SUGCT: variants seen among roughly 807,000 people sequenced by gnomAD.
SUGCT encodes succinyl-CoA:glutarate-CoA transferase.
A neutral mutation model predicts 55.0 loss-of-function variants in SUGCT; 41 were observed. That is an observed-to-expected ratio of 0.74 (90% CI 0.58 to 0.97). The LOEUF is 0.97. Ranked by LOEUF, SUGCT falls within the 50% of genes least tolerant of loss-of-function variation. SUGCT has a pLI of 0.00. For synonymous variants in SUGCT, 187 were observed against 200.4 expected, an observed-to-expected ratio of 0.93 and a Z score of 0.56; for missense variants, 568 against 547.8, an observed-to-expected ratio of 1.04 and a Z score of -0.37.
intron 9 of SUGCT, among the ~76,000 whole-genome samples, chr7:40,378,137 G>A (rs1219152020): frequency 1.3e-5 from 2 of 151,446 alleles, no homozygotes; most frequent in Non-Finnish European, 2.9e-5. Flanking sequence ...AAAAAAGATG[G>A]TACATTTGGC....
At chr7:40,797,996 T>A (rs1790630444) in intron 13 of SUGCT, among the ~76,000 whole-genome samples, 1 of 152,206 alleles carries the variant, frequency 6.6e-6, no homozygotes, top group Non-Finnish European at 1.5e-5. Context: ...TGTTATTTCC[T>A]GTGCTTCAAA....
chr7:40,905,318 C>T, the SUGCT span, among the ~76,000 whole-genome samples: 1 of 152,118 alleles, frequency 6.6e-6, no homozygotes, highest in Non-Finnish European at 1.5e-5. Context: ...AAAACATTCT[C>T]TCTTTTGATT....
At chr7:40,681,339 T>C (rs1388753852) in intron 12 of SUGCT, among the ~76,000 whole-genome samples, 3 of 152,114 alleles carry the variant, frequency 2.0e-5, no homozygotes, top group Non-Finnish European at 4.4e-5. Context: ...AATGATTTAA[T>C]CAATTATGTT....
chr7:40,821,015 A>C (rs1791964931), intron 13 of SUGCT, among the ~76,000 whole-genome samples: 1 of 152,126 alleles, frequency 6.6e-6, no homozygotes, highest in Non-Finnish European at 1.5e-5. Context: ...GCATCTATTG[A>C]GATAATCATG....
chr7:40,255,525 A>G (rs1385211401), intron 7 of SUGCT, among the ~76,000 whole-genome samples: 2 of 150,450 alleles, frequency 1.3e-5, no homozygotes, highest in African/African-American at 4.9e-5. Flanking sequence ...GCCGGGCATG[A>G]TGGTGGATGC....
At chr7:40,339,400 C>T (rs772995985) in intron 9 of SUGCT, among the ~76,000 whole-genome samples, 9 of 152,146 alleles carry the variant, frequency 5.9e-5, no homozygotes, top group East Asian at 3.9e-4. Context: ...CCACCTGGTT[C>T]GAGCTTCCTG....
chr7:41,034,481 A>G, the SUGCT span, among the ~76,000 whole-genome samples: 1 of 152,130 alleles, frequency 6.6e-6, no homozygotes, highest in South Asian at 2.1e-4. Flanking sequence ...CATGAACACA[A>G]TCTTGCTGGG....
At chr7:40,542,639 G>C (rs1794758613) in intron 12 of SUGCT, among the ~76,000 whole-genome samples, 1 of 152,162 alleles carries the variant, frequency 6.6e-6, no homozygotes, top group Admixed American at 6.6e-5. Flanking sequence ...TGATGGAGTG[G>C]CTGTGCCAAC....
chr7:40,208,557 ATTCT>A (rs1029447260), intron 6 of SUGCT, among the ~76,000 whole-genome samples: 2 of 151,732 alleles, frequency 1.3e-5, no homozygotes, highest in East Asian at 1.9e-4. Context: ...GAATAAATTG[ATTCT>A]TTTTTTTTTT....
intron 9 of SUGCT, among the ~76,000 whole-genome samples, chr7:40,335,731 T>C (rs1410968255): frequency 1.3e-5 from 2 of 152,110 alleles, no homozygotes; most frequent in Non-Finnish European, 2.9e-5. Context: ...TAATTGAATA[T>C]GCTTTATTTC....
intron 9 of SUGCT, among the ~76,000 whole-genome samples, chr7:40,406,917 AT>A (rs1331710919): frequency 6.6e-6 from 1 of 152,192 alleles, no homozygotes; most frequent in African/African-American, 2.4e-5. Context: ...TCCCTCAGCT[AT>A]TTTTGCTAAG....
intron 9 of SUGCT, among the ~76,000 whole-genome samples, chr7:40,358,882 A>G (rs994131853): frequency 1.3e-5 from 2 of 152,236 alleles, no homozygotes; most frequent in Non-Finnish European, 2.9e-5. Flanking sequence ...TTAATAGGCT[A>G]GACTATTTAT....
At chr7:40,544,220 A>G (rs757899229) in intron 12 of SUGCT, among the ~76,000 whole-genome samples, 1 of 150,274 alleles carries the variant, frequency 6.7e-6, no homozygotes, top group Non-Finnish European at 1.5e-5. Context: ...CTTAATTTGT[A>G]GAAAGGAGAT....
intron 7 of SUGCT, among the ~76,000 whole-genome samples, chr7:40,256,447 A>T (rs1762346266): frequency 6.6e-6 from 1 of 152,246 alleles, no homozygotes. Context: ...ACCTATAAAT[A>T]GTGCTGTTGC....
chr7:40,573,301 C>T (rs1796554040), intron 12 of SUGCT, among the ~76,000 whole-genome samples: 3 of 152,160 alleles, frequency 2.0e-5, no homozygotes, highest in Non-Finnish European at 2.9e-5. Flanking sequence ...TTTAGATTGT[C>T]GTCATGTTAC....
the SUGCT span, among the ~76,000 whole-genome samples, chr7:40,939,079 C>T: frequency 6.6e-6 from 1 of 152,098 alleles, no homozygotes; most frequent in Non-Finnish European, 1.5e-5. Context: ...CGAGACAGGG[C>T]AATTTACAAA....
At chr7:41,008,856 T>C in the SUGCT span, among the ~76,000 whole-genome samples, 1 of 152,056 alleles carries the variant, frequency 6.6e-6, no homozygotes, top group Non-Finnish European at 1.5e-5. Flanking sequence ...TCCCTCCTGC[T>C]GCCTCGTGGT....
At chr7:41,036,550 C>G in the SUGCT span, among the ~76,000 whole-genome samples, 2 of 152,156 alleles carry the variant, frequency 1.3e-5, no homozygotes, top group Non-Finnish European at 2.9e-5. Context: ...ACTCCCTTGA[C>G]TGTCTCAGCC....
At chr7:40,386,013 A>G (rs757622799) in intron 9 of SUGCT, among the ~76,000 whole-genome samples, 5 of 152,338 alleles carry the variant, frequency 3.3e-5, no homozygotes, top group Non-Finnish European at 7.3e-5. Flanking sequence ...TGTAATTACT[A>G]CTGCCATTTT....
Sources: allele counts gnomAD v4.1 joint callset (sites outside exome capture counted in the v4.1 genomes callset), GRCh38; gene constraint gnomAD v4.1.1; transcripts MANE v1.5; gene names NCBI Gene and HGNC (gene_info 2026-07-23, HGNC 2026-07-21).